The following EEF1B2 variants were observed in gnomAD, a reference collection of about 807,000 sequenced individuals.
EEF1B2 encodes the protein elongation factor 1-beta.
A neutral mutation model predicts 28.3 loss-of-function variants in EEF1B2; 12 were observed. That is an observed-to-expected ratio of 0.42 (90% CI 0.27 to 0.69). The LOEUF (loss-of-function observed/expected upper bound fraction) is 0.69. Among genes scored for constraint, EEF1B2 ranks in the 30% least tolerant of loss-of-function variants. The pLI is 0.22. For synonymous variants in EEF1B2, 83 were observed against 99.9 expected (o/e 0.83, Z 1.01); for missense variants, 234 against 272.6 (o/e 0.86, Z 1.00).
Position 206,160,034 on chromosome 2 carries a change from C to T in EEF1B2, c.55C>T (p.Leu19=). ...PAGLQVLNDY[L]ADKSYIEGYV... Reference sequence around the variant, plus strand: ...CGGCCTCCAGGTGCTCAACGATTACCTGGCGGACAAGAGCTACATCGAGGG... The same window carrying T: ...CGGCCTCCAGGTGCTCAACGATTACTTGGCGGACAAGAGCTACATCGAGGG... Residue 19 remains leucine, a synonymous_variant, in exon 1 of 6, where the codon CTG becomes TTG. Coordinates refer to ENST00000392222, the MANE Select transcript of EEF1B2 (RefSeq NM_001959.4). The T allele has an allele frequency of 6.2e-7, 1 of 1,613,460 alleles. No individual in the cohort carries two copies. Among genetic ancestry groups the T allele is most frequent in the Non-Finnish European group, 8.5e-7 (1 of 1,179,772 alleles).
Position 206,159,959 on chromosome 2 carries a change from C to T in EEF1B2, c.-21C>T, listed in dbSNP as rs375797820. On this transcript the variant is annotated 5_prime_UTR_variant, in exon 1 of 6. Coordinates refer to ENST00000392222, the MANE Select transcript of EEF1B2 (RefSeq NM_001959.4). Reference sequence around the variant, plus strand: ...GCGCTCTCTTTCTGCTGCTCCCCAGCTCTCGGATACAGCCGACACCATGGG... The same window carrying T: ...GCGCTCTCTTTCTGCTGCTCCCCAGTTCTCGGATACAGCCGACACCATGGG... 3.1e-6 allele frequency: 5 copies of T among 1,609,102 alleles called. No homozygotes were observed. Among genetic ancestry groups the T allele is most frequent in the Non-Finnish European group, 2.5e-6 (3 of 1,178,666 alleles).
rs776513306 is a variant in EEF1B2, at chr2:206,159,968, A to G, written c.-12A>G. On this transcript the variant is annotated 5_prime_UTR_variant, in exon 1 of 6. It adds an upstream start codon to the 5' untranslated region. Coordinates refer to ENST00000392222, the MANE Select transcript of EEF1B2 (RefSeq NM_001959.4). Reference sequence around the variant, plus strand: ...TTCTGCTGCTCCCCAGCTCTCGGATACAGCCGACACCATGGGTTTCGGAGA... The same window carrying G: ...TTCTGCTGCTCCCCAGCTCTCGGATGCAGCCGACACCATGGGTTTCGGAGA... The G allele has an allele frequency of 1.2e-6, 2 of 1,610,420 alleles. No homozygotes were observed. The highest frequency in any genetic ancestry group is 2.2e-5 in the East Asian group (1 of 44,682).
intron 3 of EEF1B2, 129 bp downstream of exon 3, chr2:206,161,601 T>G: frequency 8.4e-7 from 1 of 1,188,852 alleles, no homozygotes; most frequent in Non-Finnish European, 1.2e-6. Context: ...GCCAAGATGG[T>G]GAAACCCTGT....
At chr2:206,160,502 T>G (rs775877791) in intron 1 of EEF1B2, 86 bp from the exon 2 acceptor site, 495 of 1,601,944 alleles carry the variant, frequency 3.1e-4, no homozygotes, top group Non-Finnish European at 4.0e-4. Context: ...TGCCCACTAA[T>G]TAATGTGATG....
rs1209545374 is a variant in EEF1B2, at chr2:206,161,383, C to A, written c.241C>A (p.Pro81Thr). 6.2e-7 allele frequency: 1 copy of A among 1,614,032 alleles called. No individual in the cohort carries two copies. Among genetic ancestry groups the A allele is most frequent in the Non-Finnish European group, 8.5e-7 (1 of 1,180,000 alleles). ...GAAGAAAGCTTTGGGCAAATATGGT[C>A]CTGCCGATGTGGAAGACACTACAGG... ...GVKKALGKYG[P>T]ADVEDTTGSG... The change falls in exon 3 of 6, where the codon CCT becomes ACT. Residue 81 changes from proline to threonine, a missense_variant. Pro to Thr is a conservative substitution (Grantham distance 38). Coordinates refer to ENST00000392222, the MANE Select transcript of EEF1B2 (RefSeq NM_001959.4).
At chr2:206,162,333 G>T (rs1687958039) in intron 4 of EEF1B2, 156 bp from the exon 5 acceptor site, 1 of 1,291,638 alleles carries the variant, frequency 7.7e-7, no homozygotes, top group Admixed American at 1.7e-5. Flanking sequence ...AAAACAGAAA[G>T]TGGGTATATA....
At position 206,159,922 on chromosome 2, in the gene EEF1B2, C is replaced by T. The variant is rs556718563; in HGVS notation, c.-58C>T. ...TTTTTCCTCTCTTCAGCGTGGGGCG[C>T]CCACAATTTGCGCGCTCTCTTTCTG... On this transcript the variant is annotated 5_prime_UTR_variant, in exon 1 of 6. Transcript: ENST00000392222. 7 of 1,587,910 alleles carry T rather than the reference C, an allele frequency of 4.4e-6. No individual in the cohort carries two copies. Among genetic ancestry groups the T allele is most frequent in the East Asian group, 4.5e-5 (2 of 44,046 alleles).
chr2:206,162,208 T>G (rs1687954571), intron 4 of EEF1B2, 104 bp downstream of exon 4: 4 of 1,250,032 alleles, frequency 3.2e-6, no homozygotes, highest in Non-Finnish European at 4.7e-6. Context: ...AGGTCAATAT[T>G]TTAAAACCTG....
At position 206,160,024 on chromosome 2, in the gene EEF1B2, C is replaced by T. The variant is rs558326405; in HGVS notation, c.45C>T (p.Leu15=). ...AAAGCCCTGCCGGCCTCCAGGTGCT[C>T]AACGATTACCTGGCGGACAAGAGCT... ...DLKSPAGLQV[L]NDYLADKSYI... is the part of the protein sequence containing the mutation. Residue 15 remains leucine (L), a synonymous_variant, in exon 1 of 6, where the codon CTC becomes CTT. Transcript: ENST00000392222. 1.7e-5 allele frequency: 28 copies of T among 1,613,380 alleles called. No individual in the cohort carries two copies. In the African/African-American group the frequency reaches 3.2e-4, roughly 18 times the overall value.
intron 3 of EEF1B2, 47 bp from the exon 4 acceptor site, chr2:206,161,991 G>C (rs1234341076): frequency 6.4e-7 from 1 of 1,554,706 alleles, no homozygotes; most frequent in Admixed American, 1.7e-5. Flanking sequence ...GCTTTAAGCA[G>C]AGGAACAACC....
At chr2:206,162,437 G>A (rs1035207797) in intron 4 of EEF1B2, 52 bp from the exon 5 acceptor site, 3 of 1,607,862 alleles carry the variant, frequency 1.9e-6, no homozygotes, top group African/African-American at 2.7e-5. Context: ...TCTTGGAGTA[G>A]GGTGAAAAAA....
intron 3 of EEF1B2, 186 bp from the exon 4 acceptor site, chr2:206,161,847 CTTTAA>C (rs1314964743): frequency 9.4e-6 from 7 of 743,066 alleles, no homozygotes; most frequent in Admixed American, 1.7e-5. Flanking sequence ...TGAATCCTGG[CTTTAA>C]TTTATATGCC....
rs547605091 is a variant in EEF1B2 at position 206,162,899 on chromosome 2, A to G, written c.*16A>G. 3.3e-5 allele frequency: 52 copies of G among 1,589,682 alleles called. No homozygotes were observed. The South Asian group carries it at 5.5e-4, about 17-fold the overall frequency. ...CAAGATCTAAAATCCATCCTGGATC[A>G]TGGCATTTAAATAAAAGATTGAAAG... On this transcript the variant is annotated 3_prime_UTR_variant, in exon 6 of 6. Coordinates refer to ENST00000392222, the MANE Select transcript of EEF1B2 (RefSeq NM_001959.4).
intron 3 of EEF1B2, 64 bp downstream of exon 3, chr2:206,161,536 A>T (rs1687932967): frequency 6.3e-7 from 1 of 1,598,166 alleles, no homozygotes; most frequent in Non-Finnish European, 8.5e-7. Context: ...TAATCCCAGC[A>T]TGTTGGGAGG....
At chr2:206,160,444 G>T (rs889448004) in intron 1 of EEF1B2, 144 bp from the exon 2 acceptor site, 85 of 1,412,196 alleles carry the variant, frequency 6.0e-5, no homozygotes, top group Non-Finnish European at 8.0e-5. Context: ...TTGATTTGAA[G>T]GAGCTAATAA....
intron 2 of EEF1B2, chr2:206,160,961 G>A: frequency 1.4e-6 from 1 of 705,568 alleles, no homozygotes; most frequent in Non-Finnish European, 2.5e-6. Flanking sequence ...GACCTGGGGG[G>A]CCCACCTCTG....
Position 206,162,622 on chromosome 2 carries a change from T to C in EEF1B2, c.523+8T>C, listed in dbSNP as rs371429685. The C allele has an allele frequency of 7.5e-6, 12 of 1,603,584 alleles. No homozygotes were observed. Among genetic ancestry groups the C allele is most frequent in the South Asian group, 1.1e-5 (1 of 88,054 alleles). Reference sequence around the variant, plus strand: ...GCTTAGTCTGGGGCTCATGTGAGTTTAGGCTTTGCCTTTTTTTTTTTGAAA... The same window carrying C: ...GCTTAGTCTGGGGCTCATGTGAGTTCAGGCTTTGCCTTTTTTTTTTTGAAA... On this transcript the variant is annotated splice_region_variant and intron_variant, in intron 5 of 5. Transcript: ENST00000392222.
intron 2 of EEF1B2, 126 bp downstream of exon 2, chr2:206,160,836 G>A: frequency 6.8e-7 from 1 of 1,467,470 alleles, no homozygotes. Context: ...AAATTTTTCT[G>A]TAACCTTAGA....
At chr2:206,161,097 C>A in intron 2 of EEF1B2, 1 of 579,628 alleles carries the variant, frequency 1.7e-6, no homozygotes, top group Non-Finnish European at 3.0e-6. Flanking sequence ...AATGAAATCT[C>A]AAACAGAAAT....
Sources: allele counts gnomAD v4.1 joint callset, GRCh38; gene constraint gnomAD v4.1.1; transcripts MANE v1.5; gene names NCBI Gene and HGNC (gene_info 2026-07-23, HGNC 2026-07-21).